Variants in CEP20 observed in about 807,000 individuals in gnomAD.
The protein encoded by CEP20 is centrosomal protein 20.
In CEP20, 18 loss-of-function variants were observed where a neutral mutation model predicts 20.0. That is an observed-to-expected ratio of 0.90 (90% CI 0.62 to 1.34). The LOEUF (loss-of-function observed/expected upper bound fraction) is 1.34, where lower values mean the gene tolerates loss of function less well. Ranked by LOEUF, CEP20 falls within the 40% of genes most tolerant of loss-of-function variation. The pLI is 0.00. For synonymous variants in CEP20, 77 were observed against 73.7 expected, an observed-to-expected ratio of 1.04 and a Z score of -0.23; for missense variants, 215 against 201.6, an observed-to-expected ratio of 1.07 and a Z score of -0.40.
intron 2 of CEP20, among the ~76,000 whole-genome samples, chr16:15,882,556 A>ATAC (rs2045124950): frequency 6.8e-6 from 1 of 147,620 alleles, no homozygotes. Context: ...ACAAACATAC[A>ATAC]AAAAAACCTC....
intron 2 of CEP20, chr16:15,882,849 T>C (rs1403584478): frequency 6.7e-6 from 1 of 150,298 alleles, no homozygotes; most frequent in Non-Finnish European, 1.5e-5. Context: ...GGACAGTTTT[T>C]TTTCTTTTAA....
chr16:15,887,587 G>C (rs2045274960), intron 1 of CEP20, among the ~76,000 whole-genome samples: 1 of 152,160 alleles, frequency 6.6e-6, no homozygotes, highest in African/African-American at 2.4e-5. Context: ...AATGGGCATA[G>C]GGTTGTTACA....
At chr16:15,875,060 T>C (rs550446744) in intron 3 of CEP20, among the ~76,000 whole-genome samples, 20 of 152,338 alleles carry the variant, frequency 1.3e-4, no homozygotes, top group African/African-American at 3.6e-4. Flanking sequence ...GAGCCTGAGC[T>C]AGACTTACGT....
At chr16:15,873,410 A>G in intron 4 of CEP20, 81 bp downstream of exon 4, 1 of 1,509,234 alleles carries the variant, frequency 6.6e-7, no homozygotes, top group Non-Finnish European at 8.9e-7. Flanking sequence ...TCAAAAGCTC[A>G]GTAAAGACTC....
At chr16:15,870,039 G>A (rs1356584989) in intron 4 of CEP20, among the ~76,000 whole-genome samples, 3 of 152,100 alleles carry the variant, frequency 2.0e-5, no homozygotes, top group Non-Finnish European at 2.9e-5. Flanking sequence ...CTTTAGTGGT[G>A]TACAGGTCGT....
At chr16:15,887,171 C>T (rs909679502) in intron 1 of CEP20, among the ~76,000 whole-genome samples, 1 of 152,138 alleles carries the variant, frequency 6.6e-6, no homozygotes, top group Non-Finnish European at 1.5e-5. Flanking sequence ...GGATTACAGG[C>T]ATGAGCCACT....
chr16:15,887,214 C>T (rs113877300), intron 1 of CEP20, among the ~76,000 whole-genome samples: 31 of 152,220 alleles, frequency 2.0e-4, no homozygotes, highest in African/African-American at 7.5e-4. Context: ...ACCTTTAAAT[C>T]CTCTGAAAAT....
rs996599901 is a variant in CEP20 at position 15,886,336 on chromosome 16, C to G, written c.29-2131G>C. On this transcript the variant is annotated intron_variant, in intron 1 of 4. Coordinates refer to ENST00000255759, the MANE Select transcript of CEP20 (RefSeq NM_144600.4). Reference sequence around the variant, plus strand: ...CCTCATTTTTAAAGCATCCCTTCAACCTTCTTGCAGATAGGTTAAGTACAG... The same window carrying G: ...CCTCATTTTTAAAGCATCCCTTCAAGCTTCTTGCAGATAGGTTAAGTACAG... 2.0e-5 allele frequency among the ~76,000 whole-genome samples: 3 copies of G among 152,200 alleles called. No individual in the cohort carries two copies. In the South Asian group the frequency reaches 6.2e-4, roughly 31 times the overall value.
Position 15,865,957 on chromosome 16 carries a change from C to A in CEP20, c.*1483G>T, listed in dbSNP as rs908191716. 2 of 152,144 alleles carry A rather than the reference C, an allele frequency of 1.3e-5. No individual in the cohort carries two copies. Among genetic ancestry groups the A allele is most frequent in the African/African-American group, 4.8e-5 (2 of 41,426 alleles). 9.4% of individuals were successfully genotyped at this position (152,144 alleles called of 1,614,324 possible). The stretch of plus-strand genomic sequence containing the variant: ...TAAACTAAGTGTCCACTGCCAACAT[C>A]CTTGGACGAAAACCAAGTCCCCCGG... On this transcript the variant is annotated 3_prime_UTR_variant, in exon 5 of 5. Transcript: ENST00000255759.
intron 4 of CEP20, among the ~76,000 whole-genome samples, chr16:15,869,716 G>A (rs368479860): frequency 5.9e-5 from 9 of 152,234 alleles, no homozygotes; most frequent in Admixed American, 2.0e-4. Flanking sequence ...AAGGATTTTA[G>A]TATCTTCATA....
At chr16:15,874,479 T>C (rs2044895877) in intron 3 of CEP20, among the ~76,000 whole-genome samples, 1 of 152,162 alleles carries the variant, frequency 6.6e-6, no homozygotes, top group Non-Finnish European at 1.5e-5. Context: ...AAATCCCATA[T>C]TGTTTTCCTT....
chr16:15,885,100 T>C (rs1181786777), intron 1 of CEP20: 1 of 151,658 alleles, frequency 6.6e-6, no homozygotes, highest in East Asian at 2.0e-4. Context: ...GATCAGCAAA[T>C]TGAGACCATC....
At chr16:15,874,417 A>G (rs760165909) in intron 3 of CEP20, among the ~76,000 whole-genome samples, 1 of 152,192 alleles carries the variant, frequency 6.6e-6, no homozygotes, top group African/African-American at 2.4e-5. Context: ...CACAGCCAGG[A>G]GATTTGCTAG....
At chr16:15,873,738 A>C in intron 3 of CEP20, 111 bp from the exon 4 acceptor site, 1 of 1,232,264 alleles carries the variant, frequency 8.1e-7, no homozygotes, top group Non-Finnish European at 1.1e-6. Flanking sequence ...AAAAAGACCA[A>C]GTGATTCACT....
chr16:15,876,136 A>T, intron 3 of CEP20, among the ~76,000 whole-genome samples: 1 of 151,272 alleles, frequency 6.6e-6, no homozygotes. Context: ...TCCCTGGCAC[A>T]TACATGTAGT....
chr16:15,867,359 C>T lies in CEP20; in HGVS notation c.*81G>A. The T allele has an allele frequency of 1.9e-6, 2 of 1,030,650 alleles. No homozygotes were observed. Among genetic ancestry groups the T allele is most frequent in the East Asian group, 2.8e-5 (1 of 36,118 alleles). The allele number at this position is 1,030,650 out of a possible 1,614,324, so 63.8% of individuals were successfully genotyped here. Reference sequence around the variant, plus strand: ...CCAATTTCTACAAACATTAGTGGTGCATTTTGGTAACATTGGGACAATAAA... The same window carrying T: ...CCAATTTCTACAAACATTAGTGGTGTATTTTGGTAACATTGGGACAATAAA... On this transcript the variant is annotated 3_prime_UTR_variant, in exon 5 of 5. Coordinates refer to ENST00000255759, the MANE Select transcript of CEP20 (RefSeq NM_144600.4).
intron 1 of CEP20, among the ~76,000 whole-genome samples, chr16:15,886,592 T>C (rs781421085): frequency 1.3e-4 from 20 of 152,218 alleles, no homozygotes; most frequent in Non-Finnish European, 2.5e-4. Context: ...AAAGCTAGCA[T>C]GTCTCATCAG....
chr16:15,874,008 C>A (rs1399410814), intron 3 of CEP20, among the ~76,000 whole-genome samples: 1 of 152,158 alleles, frequency 6.6e-6, no homozygotes, highest in Non-Finnish European at 1.5e-5. Flanking sequence ...TTAATAAGTC[C>A]TTGCCCTGAA....
At chr16:15,887,686 C>T (rs1028229263) in intron 1 of CEP20, among the ~76,000 whole-genome samples, 4 of 152,160 alleles carry the variant, frequency 2.6e-5, no homozygotes, top group African/African-American at 9.7e-5. Flanking sequence ...TGGACATTTG[C>T]TTCAAAGTAA....
Sources: allele counts gnomAD v4.1 joint callset (sites outside exome capture counted in the v4.1 genomes callset), GRCh38; gene constraint gnomAD v4.1.1; transcripts MANE v1.5; gene names NCBI Gene and HGNC (gene_info 2026-07-23, HGNC 2026-07-21).